The following RORA variants were observed in gnomAD, a reference collection of about 807,000 sequenced individuals.
RORA encodes nuclear receptor ROR-alpha.
In RORA, 7 loss-of-function variants were observed where a neutral mutation model predicts 69.5. The ratio of observed to expected loss-of-function variants is 0.10; its 90% CI spans 0.06 to 0.19. The LOEUF (loss-of-function observed/expected upper bound fraction) is 0.19. Ranked by LOEUF, RORA falls within the 10% of genes least tolerant of loss-of-function variation. The pLI, the probability that RORA is intolerant of heterozygous loss-of-function variation, is 1.00. For synonymous variants in RORA, 261 were observed against 240.8 expected (o/e 1.08, Z -0.78); for missense variants, 457 against 663.0 (o/e 0.69, Z 3.41).
chr15:60,567,953 G>A (rs969714138), intron 2 of RORA, among the ~76,000 whole-genome samples: 1 of 152,174 alleles, frequency 6.6e-6, no homozygotes, highest in Non-Finnish European at 1.5e-5. Context: ...AAGGTAGAAA[G>A]CATGCTCTGT....
At chr15:60,990,184 C>T (rs190819511) in intron 1 of RORA, among the ~76,000 whole-genome samples, 116 of 152,076 alleles carry the variant, frequency 7.6e-4, no homozygotes, top group Non-Finnish European at 1.3e-3. Context: ...CCAATTATGC[C>T]CTAATGCACT....
intron 1 of RORA, among the ~76,000 whole-genome samples, chr15:60,938,032 T>G (rs901355097): frequency 6.6e-6 from 1 of 152,158 alleles, no homozygotes; most frequent in Non-Finnish European, 1.5e-5. Context: ...GAACGAAAAT[T>G]AGCAGAAGTA....
At chr15:60,582,797 T>C (rs904385861) in intron 2 of RORA, among the ~76,000 whole-genome samples, 4 of 152,226 alleles carry the variant, frequency 2.6e-5, no homozygotes, top group Admixed American at 6.5e-5. Context: ...TGGGAGCAGA[T>C]GACCTGTGAG....
chr15:61,166,033 C>G (rs1250918220), intron 1 of RORA, among the ~76,000 whole-genome samples: 1 of 152,202 alleles, frequency 6.6e-6, no homozygotes, highest in Non-Finnish European at 1.5e-5. Flanking sequence ...TTAATGCATG[C>G]AGGGCTGCCA....
At chr15:60,947,445 A>T (rs1892928042) in intron 1 of RORA, among the ~76,000 whole-genome samples, 1 of 151,996 alleles carries the variant, frequency 6.6e-6, no homozygotes, top group Admixed American at 6.6e-5. Flanking sequence ...GGTTAAATGG[A>T]TTAAGGGCGG....
intron 1 of RORA, among the ~76,000 whole-genome samples, chr15:61,073,699 C>A (rs2078404476): frequency 6.6e-6 from 1 of 152,204 alleles, no homozygotes; most frequent in East Asian, 1.9e-4. Flanking sequence ...ATCTTGCCTT[C>A]CCAAGCTACT....
In RORA at chr15:60,505,382, GAT is replaced by G. The variant is rs1286026486; in HGVS notation, c.942+124_942+125del. ...AGTACATTAGTAGCTTCAGAAAAAA[GAT>G]ATTTAAACAGAAACCTGATGACATT... is the stretch of plus-strand genomic sequence containing the variant. On this transcript the variant is annotated intron_variant, in intron 6 of 10. Coordinates refer to ENST00000335670, the MANE Select transcript of RORA (RefSeq NM_134261.3). 7.1e-6 allele frequency: 7 copies of G among 982,722 alleles called. No homozygotes were observed. The African/African-American group carries it at 1.1e-4, about 16-fold the overall frequency. 60.9% of individuals were successfully genotyped at this position (982,722 alleles called of 1,614,324 possible).
At chr15:60,916,987 G>A (rs373523020) in intron 1 of RORA, among the ~76,000 whole-genome samples, 5 of 152,168 alleles carry the variant, frequency 3.3e-5, no homozygotes, top group African/African-American at 7.2e-5. Flanking sequence ...ATTCCCCATC[G>A]CACTGGTGAT....
Position 60,499,917 on chromosome 15 carries a change from T to C in RORA, c.1382A>G (p.His461Arg). The C allele has an allele frequency of 6.2e-7, 1 of 1,610,372 alleles. No individual in the cohort carries two copies. Among genetic ancestry groups the C allele is most frequent in the Non-Finnish European group, 8.5e-7 (1 of 1,177,686 alleles). The change falls in exon 10 of 11, where the codon CAC (histidine) becomes CGC (arginine). Residue 461 changes from histidine (H) to arginine (R), a missense_variant. Physicochemically the swap from His to Arg is conservative, Grantham distance 29 (BLOSUM62 0). Coordinates refer to ENST00000335670, the MANE Select transcript of RORA (RefSeq NM_134261.3). ...CTTTGTTAGTATTCCATCTTCTCGG[T>C]GATTCTTCTGTAGGACGTGTTGAAG... ...LALQHVLQKN[H>R]REDGILTKLI...
chr15:60,526,665 C>A (rs1344403787), intron 3 of RORA, among the ~76,000 whole-genome samples: 1 of 152,188 alleles, frequency 6.6e-6, no homozygotes. Context: ...TGTCCTCCCC[C>A]AGGTGGAATT....
intron 1 of RORA, among the ~76,000 whole-genome samples, chr15:60,951,938 T>G (rs2140334765): frequency 6.6e-6 from 1 of 150,578 alleles, no homozygotes; most frequent in Middle Eastern, 3.4e-3. Context: ...TAACTCATTT[T>G]ATGAGGCCAG....
At chr15:60,791,490 T>A (rs1288805804) in intron 1 of RORA, among the ~76,000 whole-genome samples, 1 of 152,232 alleles carries the variant, frequency 6.6e-6, no homozygotes, top group East Asian at 1.9e-4. Flanking sequence ...TATGAATTTG[T>A]GGGGTTTTGT....
chr15:60,663,812 T>A (rs2070341058), intron 2 of RORA, among the ~76,000 whole-genome samples: 1 of 152,226 alleles, frequency 6.6e-6, no homozygotes, highest in South Asian at 2.1e-4. Flanking sequence ...AAGAATCATG[T>A]ACGATATGTA....
intron 1 of RORA, among the ~76,000 whole-genome samples, chr15:61,201,061 T>C (rs1320869809): frequency 6.6e-6 from 1 of 152,216 alleles, no homozygotes; most frequent in African/African-American, 2.4e-5. Flanking sequence ...CAACAATTAT[T>C]ATCTTTCATG....
intron 2 of RORA, chr15:60,627,170 T>A (rs570807631): frequency 1.4e-6 from 2 of 1,386,500 alleles, no homozygotes; most frequent in South Asian, 2.4e-5. Flanking sequence ...AGACATTGGG[T>A]TGTGGGTGGT....
intron 1 of RORA, among the ~76,000 whole-genome samples, chr15:60,851,715 T>G (rs1017882463): frequency 2.6e-5 from 4 of 151,752 alleles, no homozygotes; most frequent in Non-Finnish European, 5.9e-5. Flanking sequence ...TATGTGTGTG[T>G]GTGTGTGTGA....
At chr15:61,058,054 C>T (rs782955) in intron 1 of RORA, among the ~76,000 whole-genome samples, 57,925 of 151,876 alleles carry the variant, frequency 0.38, 11,549 homozygotes, top group African/African-American at 0.5. Flanking sequence ...TCGCCCCTTA[C>T]AGGCTTGAGT....
chr15:60,742,740 T>C (rs545727240), intron 1 of RORA, among the ~76,000 whole-genome samples: 1 of 152,348 alleles, frequency 6.6e-6, no homozygotes, highest in East Asian at 1.9e-4. Context: ...TTTGTCTTTC[T>C]GTGCCTAGCT....
chr15:61,032,252 A>G (rs1424887842), intron 1 of RORA, among the ~76,000 whole-genome samples: 1 of 152,224 alleles, frequency 6.6e-6, no homozygotes, highest in African/African-American at 2.4e-5. Flanking sequence ...ATCCCTTAGA[A>G]AGCTATAAAA....
Sources: gnomAD v4.1 joint callset for allele counts (sites outside exome capture counted in the v4.1 genomes callset) on GRCh38, gnomAD v4.1.1 for gene constraint, MANE v1.5 for transcripts, NCBI Gene and HGNC (gene_info 2026-07-23, HGNC 2026-07-21) for gene names.